The following GRID1 variants were observed in gnomAD, a reference collection of about 807,000 sequenced individuals.
The protein encoded by GRID1 is glutamate ionotropic receptor delta type subunit 1.
GRID1 carries 28 observed loss-of-function variants against 98.0 expected under a neutral mutation model. That is an observed-to-expected ratio of 0.29 (90% CI 0.21 to 0.39). The LOEUF is 0.39. GRID1 is among the 10% of genes least tolerant of loss of function. GRID1 has a pLI of 1.00. For missense variants in GRID1, 1,111 were observed against 1,340.5 expected, an observed-to-expected ratio of 0.83 and a Z score of 2.67; for synonymous variants, 553 against 538.5, an observed-to-expected ratio of 1.03 and a Z score of -0.37.
At chr10:85,990,650 GAAGA>G (rs1842668737) in intron 4 of GRID1, among the ~76,000 whole-genome samples, 1 of 152,186 alleles carries the variant, frequency 6.6e-6, no homozygotes, top group African/African-American at 2.4e-5. Context: ...AGGAAGGAAG[GAAGA>G]GAGGTCCCCT....
chr10:86,047,221 C>T (rs1843436413), intron 4 of GRID1, among the ~76,000 whole-genome samples: 1 of 152,232 alleles, frequency 6.6e-6, no homozygotes, highest in Non-Finnish European at 1.5e-5. Flanking sequence ...ATGACTCAGC[C>T]TCCTGAGCTA....
At chr10:86,352,697 A>G (rs143681121) in intron 2 of GRID1, among the ~76,000 whole-genome samples, 454 of 152,196 alleles carry the variant, frequency 3.0e-3, no homozygotes, top group African/African-American at 0.011. Context: ...TTGACATCAT[A>G]TTAGGGAAAA....
At chr10:86,178,151 A>G (rs1419448097) in intron 3 of GRID1, among the ~76,000 whole-genome samples, 3 of 152,208 alleles carry the variant, frequency 2.0e-5, no homozygotes, top group African/African-American at 7.2e-5. Flanking sequence ...AAGTGACAAA[A>G]TCTTCGAGTG....
chr10:86,007,378 A>C (rs562062209), intron 4 of GRID1, among the ~76,000 whole-genome samples: 11 of 152,142 alleles, frequency 7.2e-5, no homozygotes, highest in Non-Finnish European at 1.5e-4. Context: ...CATGGGAGGC[A>C]GTGGTCGCAG....
At chr10:86,102,871 T>C (rs921360057) in intron 4 of GRID1, among the ~76,000 whole-genome samples, 6 of 152,176 alleles carry the variant, frequency 3.9e-5, no homozygotes, top group African/African-American at 7.2e-5. Flanking sequence ...TGGGAGGTAA[T>C]TGAATCATGA....
At chr10:85,922,084 A>G (rs1841713203) in intron 4 of GRID1, among the ~76,000 whole-genome samples, 1 of 152,206 alleles carries the variant, frequency 6.6e-6, no homozygotes. Flanking sequence ...AACTGTCTCC[A>G]AAGCCTGTGT....
chr10:85,751,628 G>T (rs1842046571), intron 8 of GRID1, among the ~76,000 whole-genome samples: 1 of 151,934 alleles, frequency 6.6e-6, no homozygotes, highest in South Asian at 2.1e-4. Context: ...GGTGGGGAAT[G>T]AAAACTATAT....
chr10:85,622,711 G>T (rs952632293), intron 13 of GRID1, among the ~76,000 whole-genome samples: 1 of 152,204 alleles, frequency 6.6e-6, no homozygotes, highest in African/African-American at 2.4e-5. Context: ...TTATGTCTCA[G>T]ATCGAGGGGC....
chr10:85,961,278 C>T (rs186407616), intron 4 of GRID1, among the ~76,000 whole-genome samples: 1 of 152,318 alleles, frequency 6.6e-6, no homozygotes, highest in Non-Finnish European at 1.5e-5. Flanking sequence ...GCCCCTGCCT[C>T]CCTTCACAGC....
intron 8 of GRID1, among the ~76,000 whole-genome samples, chr10:85,835,756 A>G (rs1049284578): frequency 6.6e-6 from 1 of 152,204 alleles, no homozygotes; most frequent in Non-Finnish European, 1.5e-5. Context: ...TCCACTGATT[A>G]TTCACAAAGA....
intron 2 of GRID1, among the ~76,000 whole-genome samples, chr10:86,238,811 C>T (rs981339904): frequency 6.6e-6 from 1 of 152,166 alleles, no homozygotes; most frequent in Non-Finnish European, 1.5e-5. Context: ...TTGGGAGCCT[C>T]CACCTAGATT....
At position 86,321,950 on chromosome 10, in the gene GRID1, C is replaced by T. The variant is rs545562677; in HGVS notation, c.235+41991G>A. On this transcript the variant is annotated intron_variant, in intron 2 of 15. Transcript: ENST00000327946. ...CACCCACCTTATTAAGAAGATTACACGTCGAAAGAGGCACACCAAACTCAT... is the reference window on the plus strand; with the variant it reads ...CACCCACCTTATTAAGAAGATTACATGTCGAAAGAGGCACACCAAACTCAT... Among the ~76,000 whole-genome samples, 39 of 152,112 alleles carry T rather than the reference C, an allele frequency of 2.6e-4. 1 individual carries two copies. The highest frequency in any genetic ancestry group is 7.8e-4 in the East Asian group (4 of 5,156).
intron 8 of GRID1, among the ~76,000 whole-genome samples, chr10:85,843,057 GT>G (rs1441694797): frequency 6.6e-6 from 1 of 151,934 alleles, no homozygotes; most frequent in South Asian, 2.1e-4. Flanking sequence ...TGTGTAAAAC[GT>G]TTTGGTAATC....
chr10:86,145,027 C>G (rs936002347), intron 3 of GRID1, among the ~76,000 whole-genome samples: 14 of 152,212 alleles, frequency 9.2e-5, no homozygotes, highest in African/African-American at 3.4e-4. Context: ...AATGTTCTCT[C>G]TTGAGATCAT....
chr10:85,820,145 AAG>A (rs1842756072), intron 8 of GRID1, among the ~76,000 whole-genome samples: 1 of 84,124 alleles, frequency 1.2e-5, no homozygotes, highest in Non-Finnish European at 2.6e-5. Flanking sequence ...AAGAAACAGA[AAG>A]AAAGAAAGAA....
intron 3 of GRID1, among the ~76,000 whole-genome samples, chr10:86,199,364 G>T (rs1845916757): frequency 6.6e-6 from 1 of 152,136 alleles, no homozygotes; most frequent in Non-Finnish European, 1.5e-5. Context: ...ATTTGCTGAA[G>T]ATGGACCTTT....
intron 3 of GRID1, among the ~76,000 whole-genome samples, chr10:86,145,651 C>A (rs1341946076): frequency 6.6e-6 from 1 of 152,152 alleles, no homozygotes; most frequent in Non-Finnish European, 1.5e-5. Flanking sequence ...AACTTCCCCT[C>A]TGAGGCCATC....
chr10:85,820,294 A>G (rs1031852952), intron 8 of GRID1, among the ~76,000 whole-genome samples: 3 of 152,214 alleles, frequency 2.0e-5, no homozygotes, highest in Non-Finnish European at 2.9e-5. Flanking sequence ...TTTGTTATAG[A>G]TTGGAGGAGG....
chr10:85,992,616 G>GGT (rs1223207115), intron 4 of GRID1, among the ~76,000 whole-genome samples: 1 of 112,834 alleles, frequency 8.9e-6, no homozygotes, highest in Non-Finnish European at 2.1e-5. Flanking sequence ...GAGGAGAGGT[G>GGT]GGGGGGGAAC....
Sources: gnomAD v4.1 joint callset for allele counts (sites outside exome capture counted in the v4.1 genomes callset) on GRCh38, gnomAD v4.1.1 for gene constraint, MANE v1.5 for transcripts, NCBI Gene and HGNC (gene_info 2026-07-23, HGNC 2026-07-21) for gene names.